Variants in GPATCH2 observed in about 807,000 individuals in gnomAD.
GPATCH2 encodes the protein G-patch domain containing 2, also known as G patch domain-containing protein 2.
In GPATCH2, 51 loss-of-function variants were observed where a neutral mutation model predicts 58.0. That is an observed-to-expected ratio of 0.88 (90% CI 0.70 to 1.11). The LOEUF (loss-of-function observed/expected upper bound fraction) is 1.11, where lower values mean the gene tolerates loss of function less well. Ranked by LOEUF, GPATCH2 falls within the 50% of genes most tolerant of loss-of-function variation. GPATCH2 has a pLI of 0.00. For missense variants in GPATCH2, 625 were observed against 652.2 expected, an observed-to-expected ratio of 0.96 and a Z score of 0.45; for synonymous variants, 222 against 218.5, an observed-to-expected ratio of 1.02 and a Z score of -0.14.
At chr1:217,499,853 G>A (rs1267915189) in intron 6 of GPATCH2, among the ~76,000 whole-genome samples, 1 of 151,656 alleles carries the variant, frequency 6.6e-6, no homozygotes, top group Non-Finnish European at 1.5e-5. Flanking sequence ...TGACTCCTAA[G>A]CTCTGTTGAG....
chr1:217,492,453 C>A (rs376164937), intron 7 of GPATCH2: 19 of 152,264 alleles, frequency 1.2e-4, no homozygotes, highest in African/African-American at 4.3e-4. Context: ...TCTAGCTTAT[C>A]TTATTTATGC....
At chr1:217,438,286 C>T (rs1214486831) in intron 9 of GPATCH2, among the ~76,000 whole-genome samples, 2 of 152,084 alleles carry the variant, frequency 1.3e-5, no homozygotes, top group Admixed American at 6.6e-5. Context: ...AAAAACAGCA[C>T]AAAAAGGCAG....
intron 8 of GPATCH2, among the ~76,000 whole-genome samples, chr1:217,449,743 G>A (rs1444504295): frequency 2.0e-5 from 3 of 152,098 alleles, no homozygotes; most frequent in Non-Finnish European, 4.4e-5. Context: ...GGAAAAGTAT[G>A]ATCAATTTCT....
chr1:217,477,017 T>G (rs1290323941), intron 8 of GPATCH2, among the ~76,000 whole-genome samples: 1 of 152,054 alleles, frequency 6.6e-6, no homozygotes, highest in Non-Finnish European at 1.5e-5. Flanking sequence ...GGGAGGACTT[T>G]GTCTTGCATC....
intron 5 of GPATCH2, among the ~76,000 whole-genome samples, chr1:217,570,300 A>G (rs758248506): frequency 2.0e-5 from 3 of 151,938 alleles, no homozygotes; most frequent in Non-Finnish European, 4.4e-5. Flanking sequence ...TTTAGTAGAG[A>G]TGGGGTTTCA....
chr1:217,508,827 TA>T (rs1438789398), intron 6 of GPATCH2, among the ~76,000 whole-genome samples: 1 of 152,164 alleles, frequency 6.6e-6, no homozygotes, highest in African/African-American at 2.4e-5. Flanking sequence ...GCTCTCTAGT[TA>T]TCTTAGTCAG....
rs148616571 is a variant in GPATCH2, at chr1:217,455,546, C to G, written c.1278-6209G>C. Among the ~76,000 whole-genome samples, 37 of 152,238 alleles carry G rather than the reference C, an allele frequency of 2.4e-4. No individual in the cohort carries two copies. The East Asian group carries it at 6.8e-3, about 28-fold the overall frequency. Reference sequence around the variant, plus strand: ...CCTCTTCCACTCTAGTCAGAGGGTTCGAGTCCAAACTTCCTTCTTCCCAGT... The same window carrying G: ...CCTCTTCCACTCTAGTCAGAGGGTTGGAGTCCAAACTTCCTTCTTCCCAGT... On this transcript the variant is annotated intron_variant, in intron 8 of 9. Coordinates refer to ENST00000366935, the MANE Select transcript of GPATCH2 (RefSeq NM_018040.5).
intron 8 of GPATCH2, among the ~76,000 whole-genome samples, chr1:217,459,212 G>C (rs2102485070): frequency 6.6e-6 from 1 of 152,216 alleles, no homozygotes; most frequent in South Asian, 2.1e-4. Context: ...ATTCTTAGAT[G>C]CTAAACTAAA....
At chr1:217,525,991 G>A (rs1020781621) in intron 5 of GPATCH2, among the ~76,000 whole-genome samples, 1 of 152,104 alleles carries the variant, frequency 6.6e-6, no homozygotes, top group African/African-American at 2.4e-5. Flanking sequence ...TCAACAATGT[G>A]TCATATCATC....
At chr1:217,572,000 A>AGAAGGAAGGAAG (rs71166011) in intron 5 of GPATCH2, among the ~76,000 whole-genome samples, 10 of 135,134 alleles carry the variant, frequency 7.4e-5, no homozygotes, top group Admixed American at 4.6e-4. Context: ...AAGGAAGGAA[A>AGAAGGAAGGAAG]GAAGGAAGGA....
chr1:217,540,764 C>T (rs1172225344), intron 5 of GPATCH2, among the ~76,000 whole-genome samples: 1 of 152,158 alleles, frequency 6.6e-6, no homozygotes, highest in African/African-American at 2.4e-5. Flanking sequence ...AGTACACATA[C>T]ATTTGAAGTA....
rs1658370454 is a variant in GPATCH2 at position 217,427,104 on chromosome 1, A to T, written c.*4041T>A. ...ACACTTAAAATGTCCAAGCAGCTTT[A>T]TGAGAGGCACAACTTTCCAAAAGGA... On this transcript the variant is annotated 3_prime_UTR_variant, in exon 10 of 10. Transcript: ENST00000366935. The T allele has an allele frequency of 6.6e-6, 1 of 152,192 alleles. No homozygotes were observed. The highest frequency in any genetic ancestry group is 2.1e-4 in the South Asian group (1 of 4,836). 9.4% of individuals were successfully genotyped at this position (152,192 alleles called of 1,614,324 possible). A position where few individuals can be genotyped will look rare whatever the true frequency, so the allele number is the denominator to read the frequency against.
At chr1:217,519,331 GA>G (rs1663333476) in intron 5 of GPATCH2, among the ~76,000 whole-genome samples, 1 of 152,028 alleles carries the variant, frequency 6.6e-6, no homozygotes, top group Non-Finnish European at 1.5e-5. Context: ...TTGGGGATGA[GA>G]AACATATTCA....
chr1:217,627,263 T>A (rs1376163446), intron 1 of GPATCH2, among the ~76,000 whole-genome samples: 1 of 152,042 alleles, frequency 6.6e-6, no homozygotes, highest in African/African-American at 2.4e-5. Flanking sequence ...AGATCCCAAA[T>A]AATTCTGCTT....
At chr1:217,589,978 A>G (rs1667515519) in intron 5 of GPATCH2, among the ~76,000 whole-genome samples, 1 of 152,052 alleles carries the variant, frequency 6.6e-6, no homozygotes, top group Non-Finnish European at 1.5e-5. Context: ...AAAACCCAGA[A>G]AGTTTTCACT....
chr1:217,479,901 T>C (rs1045599696), intron 8 of GPATCH2, among the ~76,000 whole-genome samples: 6 of 151,846 alleles, frequency 4.0e-5, no homozygotes, highest in Non-Finnish European at 8.8e-5. Context: ...AGACAAAAAC[T>C]ATAAGAAGAG....
At chr1:217,480,000 A>G (rs1281169582) in intron 8 of GPATCH2, among the ~76,000 whole-genome samples, 1 of 152,184 alleles carries the variant, frequency 6.6e-6, no homozygotes, top group East Asian at 1.9e-4. Context: ...TGGAGGACCC[A>G]GATATATAAA....
At chr1:217,501,600 T>C (rs568078148) in intron 6 of GPATCH2, among the ~76,000 whole-genome samples, 2 of 152,248 alleles carry the variant, frequency 1.3e-5, no homozygotes, top group South Asian at 4.1e-4. Flanking sequence ...CTCATTGGCA[T>C]TCGATGCTGT....
chr1:217,630,875 C>A, intron 1 of GPATCH2, 41 bp downstream of exon 1: 1 of 1,493,162 alleles, frequency 6.7e-7, no homozygotes, highest in Non-Finnish European at 9.1e-7. Flanking sequence ...GGCAATCACA[C>A]CCTTCCCTGA....
Sources: gnomAD v4.1 joint callset for allele counts (sites outside exome capture counted in the v4.1 genomes callset) on GRCh38, gnomAD v4.1.1 for gene constraint, MANE v1.5 for transcripts, NCBI Gene and HGNC (gene_info 2026-07-23, HGNC 2026-07-21) for gene names.